The following VAPB variants were observed in gnomAD, a reference collection of about 807,000 sequenced individuals.
VAPB encodes VAMP associated protein B and C.
Under a neutral mutation model 25.6 loss-of-function variants are expected in VAPB, and 7 were observed. That is an observed-to-expected ratio of 0.27 (90% confidence interval 0.16 to 0.51). The LOEUF (loss-of-function observed/expected upper bound fraction) is 0.51, where lower values mean the gene tolerates loss of function less well. VAPB is among the 20% of genes least tolerant of loss of function. The probability of loss-of-function intolerance (pLI) is 0.97; values close to 1 mark genes in which losing one functional copy is unlikely to be tolerated. For missense variants in VAPB, 266 were observed against 301.3 expected (o/e 0.88, Z 0.87); for synonymous variants, 112 against 109.2 (o/e 1.03, Z -0.16).
At chr20:58,437,573 C>T (rs1989076219) in intron 3 of VAPB, among the ~76,000 whole-genome samples, 1 of 152,150 alleles carries the variant, frequency 6.6e-6, no homozygotes, top group Admixed American at 6.5e-5. Flanking sequence ...ATGTGAATAT[C>T]CTGCTCGCCA....
chr20:58,441,363 CG>C (rs754053291), intron 5 of VAPB, among the ~76,000 whole-genome samples: 56 of 152,156 alleles, frequency 3.7e-4, no homozygotes, highest in Non-Finnish European at 6.0e-4. Context: ...AAAACTTGGC[CG>C]GGTGCGGTGG....
rs780483097 is a variant in VAPB at position 58,389,459 on chromosome 20, C to G, written c.-1C>G. ...CCAAAGGTGCTCCGCCGCTAAGGAA[C>G]ATGGCGAAGGTGGAGCAGGTCCTGA... is the stretch of plus-strand genomic sequence containing the variant. On this transcript the variant is annotated 5_prime_UTR_variant, in exon 1 of 6. Coordinates refer to ENST00000475243, the MANE Select transcript of VAPB (RefSeq NM_004738.5). The G allele has an allele frequency of 6.3e-6, 10 of 1,595,364 alleles. No homozygotes were observed. The East Asian group carries it at 2.0e-4, about 33-fold the overall frequency.
At chr20:58,395,152 CTTT>C (rs397865707) in intron 1 of VAPB, among the ~76,000 whole-genome samples, 6 of 128,552 alleles carry the variant, frequency 4.7e-5, no homozygotes, top group Non-Finnish European at 4.9e-5. Flanking sequence ...CCAAAAGTGT[CTTT>C]TTTTTTTTTT....
chr20:58,418,124 C>T (rs866917606), intron 1 of VAPB, 87 bp from the exon 2 acceptor site: 1 of 1,568,384 alleles, frequency 6.4e-7, no homozygotes, highest in Non-Finnish European at 8.7e-7. Context: ...TCAAATCTTC[C>T]CTTAACTATA....
intron 2 of VAPB, among the ~76,000 whole-genome samples, chr20:58,426,001 T>C (rs1451450234): frequency 2.0e-5 from 3 of 152,230 alleles, no homozygotes; most frequent in Non-Finnish European, 4.4e-5. Context: ...CAAATGATTC[T>C]TGTGCCTCAG....
chr20:58,408,102 G>C (rs1988275623), intron 1 of VAPB, among the ~76,000 whole-genome samples: 1 of 152,108 alleles, frequency 6.6e-6, no homozygotes, highest in African/African-American at 2.4e-5. Flanking sequence ...GGAAACTAGT[G>C]AATTGAGTAA....
At chr20:58,430,265 G>A (rs2123081312) in intron 2 of VAPB, among the ~76,000 whole-genome samples, 1 of 148,680 alleles carries the variant, frequency 6.7e-6, no homozygotes, top group East Asian at 2.0e-4. Flanking sequence ...TTTTTTTGAG[G>A]TGGAGTCTCT....
At chr20:58,427,299 T>C (rs1988815085) in intron 2 of VAPB, among the ~76,000 whole-genome samples, 1 of 151,634 alleles carries the variant, frequency 6.6e-6, no homozygotes, top group African/African-American at 2.4e-5. Context: ...TGATCTGTGA[T>C]CTGTGATCTG....
intron 1 of VAPB, among the ~76,000 whole-genome samples, chr20:58,392,437 C>T (rs974780066): frequency 1.3e-5 from 2 of 152,172 alleles, no homozygotes; most frequent in African/African-American, 4.8e-5. Flanking sequence ...TTGTTGAAGG[C>T]CTCTGGCTCA....
rs1460942579 is a variant in VAPB, at chr20:58,450,476, A to G, written c.*6241A>G. ...ACACCGAGAGAAAAATGCAAAATAT[A>G]TTTGGTTCTCATTTCTGTTGCTGTC... On this transcript the variant is annotated 3_prime_UTR_variant, in exon 6 of 6. Transcript: ENST00000475243. The G allele has an allele frequency of 2.2e-6, 1 of 453,870 alleles. No homozygotes were observed. The highest frequency in any genetic ancestry group is 6.9e-5 in the East Asian group (1 of 14,404). 28.1% of individuals were successfully genotyped at this position (453,870 alleles called of 1,614,324 possible). A position where few individuals can be genotyped will look rare whatever the true frequency, so the allele number is the denominator to read the frequency against.
intron 1 of VAPB, among the ~76,000 whole-genome samples, chr20:58,390,706 TATGA>T (rs886825900): frequency 1.3e-5 from 2 of 152,200 alleles, no homozygotes; most frequent in African/African-American, 4.8e-5. Flanking sequence ...AGTTGGTATT[TATGA>T]ATGAATGAAT....
In VAPB at chr20:58,445,377, C is replaced by T; in HGVS notation, c.*1142C>T. The stretch of plus-strand genomic sequence containing the variant: ...GGCTGCAGAGGGTTAGAAGCGAGGG[C>T]ACCAGCAGTTGTGGGTGGGGAGCAA... On this transcript the variant is annotated 3_prime_UTR_variant, in exon 6 of 6. Transcript: ENST00000475243. 1 of 454,562 alleles carries T rather than the reference C, an allele frequency of 2.2e-6. No individual in the cohort carries two copies. 28.2% of individuals were successfully genotyped at this position (454,562 alleles called of 1,614,324 possible).
At chr20:58,395,302 C>T (rs1480212693) in intron 1 of VAPB, among the ~76,000 whole-genome samples, 8 of 152,186 alleles carry the variant, frequency 5.3e-5, no homozygotes, top group African/African-American at 1.9e-4. Context: ...CAGGCACATG[C>T]CACCATGCCT....
At chr20:58,399,270 A>G (rs962369203) in intron 1 of VAPB, among the ~76,000 whole-genome samples, 3 of 151,746 alleles carry the variant, frequency 2.0e-5, no homozygotes, top group African/African-American at 7.3e-5. Context: ...ATTGTACTCC[A>G]GCCTGGGCAA....
At chr20:58,409,284 A>G (rs1328708603) in intron 1 of VAPB, among the ~76,000 whole-genome samples, 6 of 152,226 alleles carry the variant, frequency 3.9e-5, no homozygotes, top group Non-Finnish European at 8.8e-5. Context: ...TGCACTGCAG[A>G]TGGGTATAGA....
Position 58,449,207 on chromosome 20 carries a change from A to G in VAPB, c.*4972A>G. 2.2e-6 allele frequency: 1 copy of G among 454,138 alleles called. No homozygotes were observed. The highest frequency in any genetic ancestry group is 4.4e-6 in the Non-Finnish European group (1 of 226,798). 28.1% of individuals were successfully genotyped at this position (454,138 alleles called of 1,614,324 possible). ...AATCCCATTAGCCACAGCCTAGAAC[A>G]TTAGCTGAGCTGCACAAGCTCACCC... On this transcript the variant is annotated 3_prime_UTR_variant, in exon 6 of 6. Coordinates refer to ENST00000475243, the MANE Select transcript of VAPB (RefSeq NM_004738.5).
chr20:58,399,738 C>T (rs1423133164), intron 1 of VAPB, among the ~76,000 whole-genome samples: 1 of 150,472 alleles, frequency 6.6e-6, no homozygotes, highest in Non-Finnish European at 1.5e-5. Flanking sequence ...AAAAATCCTT[C>T]TATGAATTCT....
At chr20:58,440,021 A>G (rs894354146) in intron 4 of VAPB, 2 of 152,162 alleles carry the variant, frequency 1.3e-5, no homozygotes, top group Non-Finnish European at 1.5e-5. Context: ...TGTCAAAACT[A>G]CCTGAGATTT....
chr20:58,396,009 A>G (rs577658368), intron 1 of VAPB, among the ~76,000 whole-genome samples: 1 of 152,226 alleles, frequency 6.6e-6, no homozygotes, highest in African/African-American at 2.4e-5. Context: ...TGATGTCTAC[A>G]AACACTGTCT....
Sources: gnomAD v4.1 joint callset for allele counts (sites outside exome capture counted in the v4.1 genomes callset) on GRCh38, gnomAD v4.1.1 for gene constraint, MANE v1.5 for transcripts, NCBI Gene and HGNC (gene_info 2026-07-23, HGNC 2026-07-21) for gene names.